RAB43: variants seen among roughly 807,000 people sequenced by gnomAD.
RAB43 encodes the protein ras-related protein Rab-43.
A neutral mutation model predicts 18.8 loss-of-function variants in RAB43; 6 were observed. That is an observed-to-expected ratio of 0.32 (90% CI 0.17 to 0.63). RAB43 has a LOEUF of 0.63. RAB43 is among the 30% of genes least tolerant of loss of function. The pLI, the probability that RAB43 is intolerant of heterozygous loss-of-function variation, is 0.79. For missense variants in RAB43, 195 were observed against 289.1 expected (o/e 0.67, Z 2.36); for synonymous variants, 103 against 124.1 (o/e 0.83, Z 1.13).
chr3:129,107,648 T>C lies in RAB43; in HGVS notation c.205-12479A>G, dbSNP rs1934870597. 6.6e-6 allele frequency among the ~76,000 whole-genome samples: 1 copy of C among 152,160 alleles called. No homozygotes were observed. Among genetic ancestry groups the C allele is most frequent in the African/African-American group, 2.4e-5 (1 of 41,434 alleles). ...TCAGAGTCAGGGCTGCAAGTGCCAG[T>C]GTCCCTGGTAGACAGCCTCTTGGAG... On this transcript the variant is annotated intron_variant, in intron 1 of 2. Coordinates refer to ENST00000315150, the MANE Select transcript of RAB43 (RefSeq NM_198490.3). The surrounding 1 kb of genome is among the most constrained non-coding windows in gnomAD (Gnocchi z 4.2).
chr3:129,114,284 G>C (rs1935351984), intron 1 of RAB43, among the ~76,000 whole-genome samples: 3 of 152,204 alleles, frequency 2.0e-5, no homozygotes, highest in African/African-American at 7.2e-5. Context: ...AGATGGCCTA[G>C]ATTTTAAATC....
In RAB43 at chr3:129,121,641, C is replaced by T. The variant is rs1008586748; in HGVS notation, c.-152G>A. ...CCTGAACCCCCAGCACTGCCGACCG[C>T]CTGCCTCGGCCTCGGCCCCGCCCCA... On this transcript the variant is annotated 5_prime_UTR_variant, in exon 1 of 3. Coordinates refer to ENST00000315150, the MANE Select transcript of RAB43 (RefSeq NM_198490.3). 4 of 546,860 alleles carry T rather than the reference C, an allele frequency of 7.3e-6. No homozygotes were observed. The highest frequency in any genetic ancestry group is 1.2e-5 in the Non-Finnish European group (4 of 338,936). The allele number at this position is 546,860 out of a possible 1,614,324, so 33.9% of individuals were successfully genotyped here.
rs114111176 is a variant in RAB43, at chr3:129,107,123, T to C, written c.205-11954A>G. 0.016 allele frequency among the ~76,000 whole-genome samples: 2,451 copies of C among 152,244 alleles called. 67 individuals carry two copies. Among genetic ancestry groups the C allele is most frequent in the African/African-American group, 0.055 (2,289 of 41,546 alleles). The stretch of plus-strand genomic sequence containing the variant: ...CTGTGTGTCAGGCCACTTCATCCCG[T>C]GACAACCCTAGAAGGTGGGTCTCAT... On this transcript the variant is annotated intron_variant, in intron 1 of 2. Transcript: ENST00000315150. This position sits in a 1 kb window ranked among gnomAD's most constrained non-coding sequence, Gnocchi z 4.2.
At chr3:129,100,312 G>A (rs895422941) in intron 1 of RAB43, among the ~76,000 whole-genome samples, 1 of 152,138 alleles carries the variant, frequency 6.6e-6, no homozygotes, top group Non-Finnish European at 1.5e-5. Flanking sequence ...AAATCAAGAC[G>A]TTTGCAGATA....
intron 1 of RAB43, among the ~76,000 whole-genome samples, chr3:129,120,581 C>T (rs1429220808): frequency 2.0e-5 from 3 of 151,726 alleles, no homozygotes; most frequent in African/African-American, 4.9e-5. Context: ...ATTGTGGCAA[C>T]CACATCCTGC....
At chr3:129,109,206 C>G (rs7615212) in intron 1 of RAB43, among the ~76,000 whole-genome samples, 35 of 151,776 alleles carry the variant, frequency 2.3e-4, no homozygotes, top group African/African-American at 7.8e-4. Flanking sequence ...GTCAGGAGAT[C>G]GAGACCATCC....
chr3:129,108,466 A>G (rs988946332), intron 1 of RAB43, among the ~76,000 whole-genome samples: 4 of 152,144 alleles, frequency 2.6e-5, no homozygotes, highest in African/African-American at 9.7e-5. Flanking sequence ...TATTTTCTCC[A>G]CCAGAGGTGA....
intron 1 of RAB43, among the ~76,000 whole-genome samples, chr3:129,119,224 C>A (rs531042517): frequency 6.6e-6 from 1 of 152,166 alleles, no homozygotes; most frequent in Non-Finnish European, 1.5e-5. Context: ...GCTCCTGCTG[C>A]GGCAGCGGAC....
Position 129,121,484 on chromosome 3 carries a change from T to C in RAB43, c.6A>G (p.Ala2=), listed in dbSNP as rs1257697075. The change falls in exon 1 of 3, where the codon GCA becomes GCG. Residue 2 remains alanine, a synonymous_variant. Transcript: ENST00000315150. The part of the protein sequence containing the change: M[A]GPGPGPGDPD... ...GGTCCCCCGGGCCTGGGCCCGGCCC[T>C]GCCATGGCCTAGAAGAAGCCGAAGG... is the stretch of plus-strand genomic sequence containing the variant. 4 of 1,609,558 alleles carry C rather than the reference T, an allele frequency of 2.5e-6. No homozygotes were observed. Among genetic ancestry groups the C allele is most frequent in the Non-Finnish European group, 3.4e-6 (4 of 1,178,330 alleles).
At chr3:129,106,225 T>C (rs1017050122) in intron 1 of RAB43, among the ~76,000 whole-genome samples, 2 of 152,230 alleles carry the variant, frequency 1.3e-5, no homozygotes, top group Admixed American at 6.5e-5. Context: ...GACTTTCTCC[T>C]GAGTAACGAA....
At chr3:129,112,111 G>T (rs527949537) in intron 1 of RAB43, among the ~76,000 whole-genome samples, 1 of 151,988 alleles carries the variant, frequency 6.6e-6, no homozygotes, top group African/African-American at 2.4e-5. Context: ...AAAATTAGCC[G>T]GGCGTGGTGG....
intron 1 of RAB43, among the ~76,000 whole-genome samples, chr3:129,109,941 T>TGCA (rs894002156): frequency 1.3e-5 from 2 of 151,766 alleles, no homozygotes; most frequent in African/African-American, 4.8e-5. Flanking sequence ...CCTGGCTCAC[T>TGCA]GCAGCCTCGA....
Position 129,095,250 on chromosome 3 carries a change from C to T in RAB43, c.205-81G>A. 2 of 1,514,662 alleles carry T rather than the reference C, an allele frequency of 1.3e-6. No individual in the cohort carries two copies. The highest frequency in any genetic ancestry group is 1.8e-6 in the Non-Finnish European group (2 of 1,126,962). 93.8% of individuals were successfully genotyped at this position (1,514,662 alleles called of 1,614,324 possible). A position where few individuals can be genotyped will look rare whatever the true frequency, so the allele number is the denominator to read the frequency against. ...GGCAGAGTGACCCCACAGACCCACACCCAGAGCTGTGGTTCCACTGGGCTA... is the reference window on the plus strand; with the variant it reads ...GGCAGAGTGACCCCACAGACCCACATCCAGAGCTGTGGTTCCACTGGGCTA... On this transcript the variant is annotated intron_variant, in intron 1 of 2. Coordinates refer to ENST00000315150, the MANE Select transcript of RAB43 (RefSeq NM_198490.3). This position sits in a 1 kb window ranked among gnomAD's most constrained non-coding sequence, Gnocchi z 4.2.
intron 1 of RAB43, among the ~76,000 whole-genome samples, chr3:129,113,152 TTTATTA>T (rs1366222461): frequency 6.7e-6 from 1 of 148,466 alleles, no homozygotes; most frequent in African/African-American, 2.5e-5. Context: ...TTAGGTTATT[TTTATTA>T]TTATTATTAT....
At chr3:129,114,659 C>A (rs1935406689) in intron 1 of RAB43, among the ~76,000 whole-genome samples, 1 of 152,182 alleles carries the variant, frequency 6.6e-6, no homozygotes, top group Non-Finnish European at 1.5e-5. Flanking sequence ...GAGCACTACA[C>A]AAAGGCCAGT....
chr3:129,100,688 TC>T (rs1355491540), intron 1 of RAB43, among the ~76,000 whole-genome samples: 1 of 152,228 alleles, frequency 6.6e-6, no homozygotes, highest in African/African-American at 2.4e-5. Context: ...CCCATCCTAT[TC>T]CCCCAAATTA....
At chr3:129,092,332 T>C in intron 2 of RAB43, among the ~76,000 whole-genome samples, 1 of 152,246 alleles carries the variant, frequency 6.6e-6, no homozygotes, top group Non-Finnish European at 1.5e-5. Flanking sequence ...GCTGGAATAC[T>C]GCCAGGTGAA....
At chr3:129,101,507 C>T (rs905302958) in intron 1 of RAB43, among the ~76,000 whole-genome samples, 1 of 152,172 alleles carries the variant, frequency 6.6e-6, no homozygotes, top group Non-Finnish European at 1.5e-5. Flanking sequence ...AATGTGAAAG[C>T]CAGGCAGACA....
chr3:129,102,986 T>C (rs1010097333), intron 1 of RAB43, among the ~76,000 whole-genome samples: 6 of 152,224 alleles, frequency 3.9e-5, no homozygotes, highest in Non-Finnish European at 8.8e-5. Context: ...AGAAGGCAAG[T>C]AGACCCACCC....
Sources: gnomAD v4.1 joint callset for allele counts (sites outside exome capture counted in the v4.1 genomes callset) on GRCh38, gnomAD v4.1.1 for gene constraint, Gnocchi (gnomAD v3.1) non-coding constraint, MANE v1.5 for transcripts, NCBI Gene and HGNC (gene_info 2026-07-23, HGNC 2026-07-21) for gene names.